Variants in ABCA1 observed in about 807,000 individuals in gnomAD.
The protein encoded by ABCA1 is phospholipid-transporting ATPase ABCA1.
A neutral mutation model predicts 262.5 loss-of-function variants in ABCA1; 133 were observed. That is an observed-to-expected ratio of 0.51 (90% confidence interval 0.44 to 0.59). The LOEUF is 0.59. Ranked by LOEUF, ABCA1 falls within the 20% of genes least tolerant of loss-of-function variation. ABCA1 has a pLI of 0.00. For missense variants in ABCA1, 2,452 were observed against 2,777.5 expected (o/e 0.88, Z 2.63); for synonymous variants, 1,022 against 1,043.5 (o/e 0.98, Z 0.40).
chr9:104,860,237 C>A (rs1836245587), intron 6 of ABCA1, among the ~76,000 whole-genome samples: 1 of 151,972 alleles, frequency 6.6e-6, no homozygotes, highest in African/African-American at 2.4e-5. Context: ...ACTCCAAGGA[C>A]CATCCAAGGA....
chr9:104,924,926 C>T (rs534056852), intron 1 of ABCA1, among the ~76,000 whole-genome samples: 1 of 152,206 alleles, frequency 6.6e-6, no homozygotes, highest in African/African-American at 2.4e-5. Context: ...AAAGCTAAGT[C>T]ACTGAACTTC....
chr9:104,906,990 G>T (rs1195291083), intron 1 of ABCA1, among the ~76,000 whole-genome samples: 1 of 152,084 alleles, frequency 6.6e-6, no homozygotes, highest in Non-Finnish European at 1.5e-5. Context: ...TACTCAGCTA[G>T]ACCAAATATC....
At position 104,903,624 on chromosome 9, in the gene ABCA1, C is replaced by T. The variant is rs1840847436; in HGVS notation, c.56G>A (p.Arg19Lys). Residue 19 changes from arginine to lysine, a missense_variant, in exon 2 of 50, where the codon AGA (arginine) becomes AAA (lysine). Arg to Lys is a conservative substitution (Grantham distance 26). This residue lies in a region of ABCA1 where 1,032 missense variants were observed against 1,089.7 expected (regional missense o/e 0.95). Transcript: ENST00000374736. The stretch of plus-strand genomic sequence containing the variant: ...AAAACCCAAGCTTACTGTTTGTCTT[C>T]TTCTGAAAGTGAGGTTCTTCCACAG... ...LLLWKNLTFR[R>K]RQTCQLLLEV... is the part of the protein sequence containing the mutation. 6.3e-7 allele frequency: 1 copy of T among 1,588,126 alleles called. No individual in the cohort carries two copies. The highest frequency in any genetic ancestry group is 8.6e-7 in the Non-Finnish European group (1 of 1,166,532).
intron 27 of ABCA1, among the ~76,000 whole-genome samples, chr9:104,813,505 C>T (rs2118940670): frequency 6.6e-6 from 1 of 152,270 alleles, no homozygotes; most frequent in East Asian, 1.9e-4. Flanking sequence ...CCTCTGCCTC[C>T]TGGGTTCAAG....
In ABCA1 at chr9:104,853,066, A is replaced by G. The variant is rs555255155; in HGVS notation, c.720+5456T>C. Among the ~76,000 whole-genome samples, 6 of 152,304 alleles carry G rather than the reference A, an allele frequency of 3.9e-5. No individual in the cohort carries two copies. The East Asian group carries it at 1.2e-3, about 29-fold the overall frequency. ...TGCTTCTTCGATCTGTACACAGCTC[A>G]GCTGTGACATTACTTGTCTTCTGGG... On this transcript the variant is annotated intron_variant, in intron 7 of 49. Transcript: ENST00000374736.
At chr9:104,800,706 T>C (rs1830258526) in intron 34 of ABCA1, 122 bp from the exon 35 acceptor site, 1 of 849,924 alleles carries the variant, frequency 1.2e-6, no homozygotes, top group African/African-American at 1.7e-5. Context: ...CCTTGTTCAC[T>C]GAAATTAAAT....
At chr9:104,850,817 T>C (rs1835313885) in intron 7 of ABCA1, among the ~76,000 whole-genome samples, 1 of 152,212 alleles carries the variant, frequency 6.6e-6, no homozygotes, top group Non-Finnish European at 1.5e-5. Context: ...AAAAACATTC[T>C]CTTGGCTATG....
At chr9:104,893,713 G>T (rs1839970402) in intron 2 of ABCA1, among the ~76,000 whole-genome samples, 1 of 152,152 alleles carries the variant, frequency 6.6e-6, no homozygotes, top group Non-Finnish European at 1.5e-5. Flanking sequence ...GCTGGAGGAA[G>T]GGTAAATCAC....
At chr9:104,823,583 A>C (rs552037329) in intron 18 of ABCA1, among the ~76,000 whole-genome samples, 1 of 152,202 alleles carries the variant, frequency 6.6e-6, no homozygotes, top group African/African-American at 2.4e-5. Flanking sequence ...TGACTACCTG[A>C]GAACCAAGGA....
intron 5 of ABCA1, among the ~76,000 whole-genome samples, chr9:104,879,266 T>C (rs1319550120): frequency 6.6e-6 from 1 of 152,212 alleles, no homozygotes; most frequent in East Asian, 1.9e-4. Flanking sequence ...AGAAGAATAC[T>C]GGCTCTCATT....
intron 19 of ABCA1, among the ~76,000 whole-genome samples, chr9:104,822,204 T>C (rs2118975304): frequency 6.6e-6 from 1 of 152,314 alleles, no homozygotes; most frequent in East Asian, 1.9e-4. Context: ...CCCTCCAACA[T>C]ATGTAATCTA....
At chr9:104,900,464 TC>T (rs1840577486) in intron 2 of ABCA1, among the ~76,000 whole-genome samples, 1 of 152,130 alleles carries the variant, frequency 6.6e-6, no homozygotes, top group Non-Finnish European at 1.5e-5. Context: ...GCTAACTTCT[TC>T]CCCTACCTAA....
Position 104,784,303 on chromosome 9 carries a change from G to A in ABCA1, c.*12C>T. On this transcript the variant is annotated 3_prime_UTR_variant, in exon 50 of 50. Coordinates refer to ENST00000374736, the MANE Select transcript of ABCA1 (RefSeq NM_005502.4). ...CTCTTTACTTTCAGCCACCCCGTAT[G>A]AACAGGATTCTTCATACATAGCTTT... is the stretch of plus-strand genomic sequence containing the variant. The A allele has an allele frequency of 6.2e-7, 1 of 1,613,974 alleles. No homozygotes were observed. Among genetic ancestry groups the A allele is most frequent in the Non-Finnish European group, 8.5e-7 (1 of 1,179,968 alleles).
chr9:104,835,547 C>T (rs143358561), intron 11 of ABCA1, among the ~76,000 whole-genome samples: 1 of 152,286 alleles, frequency 6.6e-6, no homozygotes, highest in East Asian at 1.9e-4. Context: ...CTGGTCTCTG[C>T]CTTCATTCTT....
chr9:104,864,835 G>A (rs752711114), intron 5 of ABCA1, among the ~76,000 whole-genome samples: 3 of 152,116 alleles, frequency 2.0e-5, no homozygotes, highest in Non-Finnish European at 2.9e-5. Context: ...TGCTCAGCAT[G>A]TTTATAAGAC....
At position 104,814,231 on chromosome 9, in the gene ABCA1, T is replaced by C; in HGVS notation, c.3788A>G (p.Asp1263Gly). Reference protein sequence around the residue: ...EESGVDAETSDGTLPARRNRR... With the variant: ...EESGVDAETSGGTLPARRNRR... Reference sequence around the variant, plus strand: ...GTTTCGTCTTGCTGGCAAGGTACCATCTGAAGGCACAAGGAAAGAATCCCA... The same window carrying C: ...GTTTCGTCTTGCTGGCAAGGTACCACCTGAAGGCACAAGGAAAGAATCCCA... Residue 1263 changes from aspartate to glycine, a missense_variant and splice_region_variant, in exon 27 of 50, where the codon GAT becomes GGT. Physicochemically the swap from Asp to Gly is moderately conservative, Grantham distance 94. This residue lies in a region of ABCA1 where 665 missense variants were observed against 727.3 expected (regional missense o/e 0.91). Transcript: ENST00000374736. 1 of 1,614,102 alleles carries C rather than the reference T, an allele frequency of 6.2e-7. No individual in the cohort carries two copies. Among genetic ancestry groups the C allele is most frequent in the Non-Finnish European group, 8.5e-7 (1 of 1,179,964 alleles).
At chr9:104,855,514 T>A (rs1835761255) in intron 7 of ABCA1, 1 of 749,730 alleles carries the variant, frequency 1.3e-6, no homozygotes, top group African/African-American at 1.8e-5. Context: ...TGAAAACTTC[T>A]ATCTTGACGC....
intron 9 of ABCA1, among the ~76,000 whole-genome samples, chr9:104,839,096 A>G (rs1372649092): frequency 3.3e-5 from 5 of 152,220 alleles, no homozygotes; most frequent in African/African-American, 4.8e-5. Flanking sequence ...CCCTGCATCA[A>G]GTTTTCAAGG....
At chr9:104,810,745 C>A in intron 29 of ABCA1, 55 bp downstream of exon 29, 1 of 1,613,662 alleles carries the variant, frequency 6.2e-7, no homozygotes, top group Admixed American at 1.7e-5. Flanking sequence ...CCCTCGTAAA[C>A]ATCTTTGGTC....
Sources: gnomAD v4.1 joint callset for allele counts (sites outside exome capture counted in the v4.1 genomes callset) on GRCh38, gnomAD v4.1.1 for gene constraint, gnomAD v4.1.1 regional missense constraint, MANE v1.5 for transcripts, NCBI Gene and HGNC (gene_info 2026-07-23, HGNC 2026-07-21) for gene names.